SLC22A25: variants seen among roughly 807,000 people sequenced by gnomAD.
The protein encoded by SLC22A25 is MGI:2442751, MGI:2385316, MGI:3042283, MGI:3645714, MGI:3605624, MGI:2442750.
SLC22A25 carries 44 observed loss-of-function variants against 45.9 expected under a neutral mutation model. The observed-to-expected ratio is 0.96, with a 90% confidence interval of 0.75 to 1.23. The LOEUF is 1.23. SLC22A25 is among the 50% of genes most tolerant of loss of function. The pLI is 0.00. For synonymous variants in SLC22A25, 283 were observed against 238.6 expected, an observed-to-expected ratio of 1.19 and a Z score of -1.72; for missense variants, 800 against 666.4, an observed-to-expected ratio of 1.20 and a Z score of -2.21.
intron 9 of SLC22A25, among the ~76,000 whole-genome samples, chr11:63,170,340 A>G (rs2087833540): frequency 1.2e-3 from 1 of 824 alleles, no homozygotes. Flanking sequence ...AAGGAGACAG[A>G]GACACAAAAC....
chr11:63,174,414 T>C (rs1373662153), intron 9 of SLC22A25, among the ~76,000 whole-genome samples: 1 of 152,142 alleles, frequency 6.6e-6, no homozygotes. Flanking sequence ...CACAATGGCA[T>C]ATGCCAGTCT....
chr11:63,228,585 C>T lies in SLC22A25; in HGVS notation c.403-21G>A. 7 of 1,558,664 alleles carry T rather than the reference C, an allele frequency of 4.5e-6. 1 individual carries two copies. The highest frequency in any genetic ancestry group is 2.7e-5 in the African/African-American group (2 of 73,508). On this transcript the variant is annotated intron_variant, in intron 4 of 11. Coordinates refer to ENST00000306494, the MANE Select transcript of SLC22A25 (RefSeq NM_199352.6). ...TCCCACTGGAAGAAAAGGAAACCCT[C>T]ATATCAATGCTTATAGCCCCTCAGT...
chr11:63,187,445 G>C (rs1405581480), intron 7 of SLC22A25, among the ~76,000 whole-genome samples: 5 of 152,144 alleles, frequency 3.3e-5, no homozygotes, highest in Non-Finnish European at 5.9e-5. Context: ...GAGATTTTGG[G>C]CTGAGACAAT....
At chr11:63,195,839 AATAG>A (rs2089005985) in intron 7 of SLC22A25, among the ~76,000 whole-genome samples, 2 of 152,330 alleles carry the variant, frequency 1.3e-5, no homozygotes, top group Admixed American at 6.5e-5. Flanking sequence ...AGATCAACAA[AATAG>A]ATAGACCACT....
chr11:63,232,267 A>C (rs1565126946), intron 3 of SLC22A25, among the ~76,000 whole-genome samples: 1 of 152,182 alleles, frequency 6.6e-6, no homozygotes. Flanking sequence ...ACCCGTGAGC[A>C]TGGAATGTTC....
intron 3 of SLC22A25, among the ~76,000 whole-genome samples, chr11:63,233,397 T>C (rs1011109581): frequency 1.3e-5 from 2 of 152,244 alleles, no homozygotes; most frequent in Non-Finnish European, 2.9e-5. Flanking sequence ...TATCCATGTC[T>C]TCTAGATTTT....
At chr11:63,225,727 GTC>G (rs969294503) in intron 5 of SLC22A25, among the ~76,000 whole-genome samples, 1 of 152,116 alleles carries the variant, frequency 6.6e-6, no homozygotes, top group African/African-American at 2.4e-5. Context: ...GTCTACCCTT[GTC>G]TCTCTCTCTG....
chr11:63,185,320 A>G (rs1315014402), intron 7 of SLC22A25, among the ~76,000 whole-genome samples: 2 of 151,558 alleles, frequency 1.3e-5, no homozygotes. Flanking sequence ...CTGGTGAGTG[A>G]TGTTCCCCTT....
At chr11:63,217,083 T>A (rs185111481) in intron 7 of SLC22A25, among the ~76,000 whole-genome samples, 152 of 152,322 alleles carry the variant, frequency 1.0e-3, no homozygotes, top group African/African-American at 3.5e-3. Flanking sequence ...CTTGCAATAT[T>A]TGGATATTTT....
intron 6 of SLC22A25, 40 bp downstream of exon 6, chr11:63,217,541 G>C: frequency 6.2e-7 from 1 of 1,609,864 alleles, no homozygotes; most frequent in African/African-American, 1.3e-5. Flanking sequence ...CAATGTCAAA[G>C]CCAAGGCTTG....
At chr11:63,222,204 G>T (rs527288994) in intron 5 of SLC22A25, among the ~76,000 whole-genome samples, 104 of 152,214 alleles carry the variant, frequency 6.8e-4, no homozygotes, top group African/African-American at 2.5e-3. Context: ...CATTGAATCT[G>T]TGATTGTGTT....
intron 9 of SLC22A25, among the ~76,000 whole-genome samples, chr11:63,175,634 C>G (rs527993325): frequency 6.6e-6 from 1 of 151,852 alleles, no homozygotes; most frequent in Non-Finnish European, 1.5e-5. Flanking sequence ...TTCCTTTCAT[C>G]GTTTGTGCTT....
chr11:63,189,825 A>G (rs1190566837), intron 7 of SLC22A25, among the ~76,000 whole-genome samples: 1 of 152,338 alleles, frequency 6.6e-6, no homozygotes, highest in South Asian at 2.1e-4. Context: ...GCTGGATATG[A>G]AATTCTGGGT....
At position 63,229,698 on chromosome 11, in the gene SLC22A25, C is replaced by T; in HGVS notation, c.-46G>A. The T allele has an allele frequency of 6.4e-7, 1 of 1,553,284 alleles. No homozygotes were observed. Among genetic ancestry groups the T allele is most frequent in the Non-Finnish European group, 8.8e-7 (1 of 1,141,100 alleles). On this transcript the variant is annotated 5_prime_UTR_variant, in exon 4 of 12. Transcript: ENST00000306494. ...CCAAGAGGAGACAAAATGACTGTATCCAGATAAGTTCAAAGAGAAAATATT... is the reference window on the plus strand; with the variant it reads ...CCAAGAGGAGACAAAATGACTGTATTCAGATAAGTTCAAAGAGAAAATATT...
rs371673990 is a variant in SLC22A25, at chr11:63,229,254, A to G, written c.399T>C (p.Thr133=). 1.9e-5 allele frequency: 29 copies of G among 1,526,244 alleles called. 1 individual carries two copies. In the Admixed American group the frequency reaches 2.5e-4, roughly 13 times the overall value. The allele number at this position is 1,526,244 out of a possible 1,614,324, so 94.5% of individuals were successfully genotyped here. ...DQSSFPSTIV[T]KWDLVCESQP... ...AGAGGAAAATGAGGCCTCTTACCTT[A>G]GTCACAATGGTGGAAGGGAAGGAGC... The change falls in exon 4 of 12, where the codon ACT becomes ACC. Residue 133 remains threonine, a synonymous_variant. Coordinates refer to ENST00000306494, the MANE Select transcript of SLC22A25 (RefSeq NM_199352.6).
At chr11:63,191,360 A>T (rs1179824392) in intron 7 of SLC22A25, among the ~76,000 whole-genome samples, 2 of 152,168 alleles carry the variant, frequency 1.3e-5, no homozygotes, top group African/African-American at 4.8e-5. Flanking sequence ...CATGGGATAT[A>T]ATCTCCTGGT....
At chr11:63,220,757 TC>T (rs756176651) in intron 5 of SLC22A25, among the ~76,000 whole-genome samples, 64 of 152,100 alleles carry the variant, frequency 4.2e-4, no homozygotes, top group Non-Finnish European at 7.1e-4. Flanking sequence ...ATGCCCACTT[TC>T]CCCCTGACAC....
chr11:63,186,065 G>T (rs982765306), intron 7 of SLC22A25, among the ~76,000 whole-genome samples: 2 of 151,294 alleles, frequency 1.3e-5, no homozygotes, highest in African/African-American at 4.9e-5. Flanking sequence ...ACCCAGTAAT[G>T]GGATGGCTGG....
intron 7 of SLC22A25, among the ~76,000 whole-genome samples, chr11:63,197,555 C>G (rs1021878607): frequency 4.6e-5 from 7 of 152,134 alleles, no homozygotes; most frequent in Admixed American, 4.6e-4. Flanking sequence ...CTTCCTTACA[C>G]CTTATACAAA....
Sources: allele counts gnomAD v4.1 joint callset (sites outside exome capture counted in the v4.1 genomes callset), GRCh38; gene constraint gnomAD v4.1.1; transcripts MANE v1.5; gene names NCBI Gene and HGNC (gene_info 2026-07-23, HGNC 2026-07-21).